RYR1: variants seen among roughly 807,000 people sequenced by gnomAD.
RYR1 encodes the protein central core disease of muscle.
In RYR1, 342 loss-of-function variants were observed where a neutral mutation model predicts 583.5. The observed-to-expected ratio is 0.59, with a 90% CI of 0.54 to 0.64. The LOEUF is 0.64. Among genes scored for constraint, RYR1 ranks in the 30% least tolerant of loss-of-function variants. The pLI is 0.00. For missense variants in RYR1, 6,032 were observed against 6,917.2 expected (o/e 0.87, Z 4.54); for synonymous variants, 2,791 against 2,822.5 (o/e 0.99, Z 0.35).
At chr19:38,551,266 C>T (rs1005641492) in intron 89 of RYR1, among the ~76,000 whole-genome samples, 7 of 151,502 alleles carry the variant, frequency 4.6e-5, no homozygotes, top group Middle Eastern at 3.4e-3. Flanking sequence ...AGGCTGGTCT[C>T]GAACTCCCGA....
rs1283302989 is a variant in RYR1 at position 38,490,733 on chromosome 19, G to T, written c.6127+1G>T. ...CATCAAGACCTGCTGGCACACTGTG[G>T]TAAGGAGTGGGGATCAGAGAGTCCT... On this transcript the variant is annotated splice_donor_variant, in intron 37 of 105. Coordinates refer to ENST00000359596, the MANE Select transcript of RYR1 (RefSeq NM_000540.3). LOFTEE classifies it high-confidence loss of function. 1.3e-6 allele frequency: 2 copies of T among 1,596,966 alleles called. No homozygotes were observed. Among genetic ancestry groups the T allele is most frequent in the African/African-American group, 1.3e-5 (1 of 74,594 alleles).
At chr19:38,557,019 T>C (rs1004588350) in intron 89 of RYR1, among the ~76,000 whole-genome samples, 4 of 151,834 alleles carry the variant, frequency 2.6e-5, no homozygotes, top group African/African-American at 7.3e-5. Flanking sequence ...TATTCATTCA[T>C]TAGAGATTGC....
intron 20 of RYR1, 125 bp from the exon 21 acceptor site, chr19:38,463,298 C>T: frequency 2.6e-6 from 2 of 759,510 alleles, no homozygotes; most frequent in South Asian, 1.5e-5. Flanking sequence ...AGCAGGGCTG[C>T]TGGATGGTGG....
At chr19:38,486,287 AT>A in intron 34 of RYR1, 85 bp downstream of exon 34, 2 of 1,520,920 alleles carry the variant, frequency 1.3e-6, no homozygotes, top group Non-Finnish European at 9.1e-7. Flanking sequence ...ATCCTCCTCT[AT>A]TTATGCATCC....
chr19:38,464,784 G>A (rs1303463001), intron 23 of RYR1, 62 bp downstream of exon 23: 3 of 1,458,218 alleles, frequency 2.1e-6, no homozygotes, highest in African/African-American at 2.8e-5. Flanking sequence ...GCTGTGCTAA[G>A]GGCTGGGGAG....
At chr19:38,440,619 G>A (rs1600629865) in intron 1 of RYR1, 126 bp from the exon 2 acceptor site, 20 of 1,046,176 alleles carry the variant, frequency 1.9e-5, no homozygotes, top group Non-Finnish European at 2.5e-5. Flanking sequence ...GAGGGCTTGG[G>A]TGGGTTGATC....
chr19:38,532,380 C>T, intron 76 of RYR1, 110 bp from the exon 77 acceptor site: 1 of 1,076,400 alleles, frequency 9.3e-7, no homozygotes, highest in Non-Finnish European at 1.4e-6. Context: ...GCCTCAGCCT[C>T]CCAGAGTGTT....
chr19:38,476,033 T>C (rs865939524), intron 29 of RYR1, among the ~76,000 whole-genome samples: 2 of 152,098 alleles, frequency 1.3e-5, no homozygotes, highest in South Asian at 2.1e-4. Flanking sequence ...TTTTTTCTTT[T>C]TATTTTTGAG....
chr19:38,470,421 G>GC (rs1968361893), intron 27 of RYR1, among the ~76,000 whole-genome samples: 2 of 146,602 alleles, frequency 1.4e-5, no homozygotes, highest in African/African-American at 2.5e-5. Context: ...GAGTGACAGA[G>GC]AGGACCCTGT....
At position 38,567,103 on chromosome 19, in the gene RYR1, C is replaced by T. The variant is rs1973478095; in HGVS notation, c.13514+116C>T. ...TGGCCACCCTGTGTCCTCGGCATCA[C>T]CCAGCCCAGACTCAGGCACGGAGGA... is the stretch of plus-strand genomic sequence containing the variant. On this transcript the variant is annotated intron_variant, in intron 92 of 105. Transcript: ENST00000359596. 2.0e-6 allele frequency: 3 copies of T among 1,511,008 alleles called. No homozygotes were observed. The Admixed American group carries it at 5.9e-5, about 30-fold the overall frequency. 93.6% of individuals were successfully genotyped at this position (1,511,008 alleles called of 1,614,324 possible).
At position 38,567,759 on chromosome 19, in the gene RYR1, G is replaced by T; in HGVS notation, c.13515-14G>T. 1 of 1,614,162 alleles carries T rather than the reference G, an allele frequency of 6.2e-7. No homozygotes were observed. Among genetic ancestry groups the T allele is most frequent in the Non-Finnish European group, 8.5e-7 (1 of 1,180,036 alleles). On this transcript the variant is annotated splice_polypyrimidine_tract_variant and intron_variant, in intron 92 of 105. Transcript: ENST00000359596. Reference sequence around the variant, plus strand: ...CCCAGGCACCTCCTGACCTCTCTCTGTCCTGCCCTGCAGTGCCGAGAATGG... The same window carrying T: ...CCCAGGCACCTCCTGACCTCTCTCTTTCCTGCCCTGCAGTGCCGAGAATGG...
At position 38,541,814 on chromosome 19, in the gene RYR1, G is replaced by A. The variant is rs539908846; in HGVS notation, c.11690-1533G>A. 5.3e-5 allele frequency among the ~76,000 whole-genome samples: 8 copies of A among 152,084 alleles called. 1 individual carries two copies. Among genetic ancestry groups the A allele is most frequent in the African/African-American group, 1.7e-4 (7 of 41,502 alleles). On this transcript the variant is annotated intron_variant, in intron 84 of 105. Coordinates refer to ENST00000359596, the MANE Select transcript of RYR1 (RefSeq NM_000540.3). ...TCACAAGGGCAGGGGCTGGACATAC[G>A]GCTCATGTCTGTAATCCCAGCACTA... is the stretch of plus-strand genomic sequence containing the variant.
chr19:38,460,680 TC>T, intron 20 of RYR1, 89 bp downstream of exon 20: 1 of 1,275,504 alleles, frequency 7.8e-7, no homozygotes, highest in Non-Finnish European at 1.1e-6. Flanking sequence ...ATGCCTGTAA[TC>T]CCAGCACTTT....
chr19:38,452,879 G>A lies in RYR1; in HGVS notation c.1305G>A (p.Leu435=). ...CGGGGCCACCCGCTGGCACGGCGCT[G>A]CCCATCGAGGGCGTTATCCTGAGCC... ...RGSGPPAGTA[L]PIEGVILSLQ... Residue 435 remains leucine, a synonymous_variant, in exon 13 of 106, where the codon CTG becomes CTA. Coordinates refer to ENST00000359596, the MANE Select transcript of RYR1 (RefSeq NM_000540.3). 1 of 1,611,642 alleles carries A rather than the reference G, an allele frequency of 6.2e-7. No homozygotes were observed. Among genetic ancestry groups the A allele is most frequent in the Non-Finnish European group, 8.5e-7 (1 of 1,178,930 alleles).
chr19:38,543,313 G>C lies in RYR1; in HGVS notation c.11690-34G>C. On this transcript the variant is annotated intron_variant, in intron 84 of 105. Transcript: ENST00000359596. This position sits in a 1 kb window ranked among gnomAD's most constrained non-coding sequence, Gnocchi z 4.4. ...ACTGTTCATCTCCCCTAGCACATGG[G>C]AGGTGCTGGATAAATGACTTTTCAT... 1 of 1,562,628 alleles carries C rather than the reference G, an allele frequency of 6.4e-7. No individual in the cohort carries two copies. The highest frequency in any genetic ancestry group is 8.8e-7 in the Non-Finnish European group (1 of 1,133,158).
rs145995242 is a variant in RYR1, at chr19:38,492,347, C to T, written c.6128-143C>T. The stretch of plus-strand genomic sequence containing the variant: ...GCTACTGCTCTCCACTGCAACAGAA[C>T]AAGACACTGTCTCAAAAAAAAAAAA... On this transcript the variant is annotated intron_variant, in intron 37 of 105. Coordinates refer to ENST00000359596, the MANE Select transcript of RYR1 (RefSeq NM_000540.3). 1.1e-3 allele frequency: 918 copies of T among 862,308 alleles called. 10 individuals are homozygous for T. In the African/African-American group the frequency reaches 0.018, roughly 16 times the overall value. 53.4% of individuals were successfully genotyped at this position (862,308 alleles called of 1,614,324 possible).
intron 34 of RYR1, among the ~76,000 whole-genome samples, chr19:38,486,635 C>T (rs1969313745): frequency 6.6e-6 from 1 of 152,168 alleles, no homozygotes; most frequent in African/African-American, 2.4e-5. Context: ...GCCACCGCGT[C>T]CGGCCTCCAT....
In RYR1 at chr19:38,455,537, G is replaced by T. The variant is rs1225397962; in HGVS notation, c.1663G>T (p.Ala555Ser). ...WLVSKLDRLE[A>S]SSGILEVLYC... ...GGTCAGCAAGCTGGATCGGCTGGAG[G>T]CCTCGTCTGGTAGGAGAACCCGGGG... is the stretch of plus-strand genomic sequence containing the variant. The change falls in exon 15 of 106, where the codon GCC becomes TCC. Residue 555 changes from alanine (A) to serine (S), a missense_variant. Physicochemically the swap from Ala to Ser is moderately conservative, Grantham distance 99 (BLOSUM62 1). Around this residue, in one of 11 missense-constraint regions of RYR1, gnomAD observed 2,627 missense variants for 2,961.3 expected, o/e 0.89. Transcript: ENST00000359596. The T allele has an allele frequency of 1.2e-6, 2 of 1,614,058 alleles. No individual in the cohort carries two copies. Among genetic ancestry groups the T allele is most frequent in the Non-Finnish European group, 1.7e-6 (2 of 1,179,986 alleles).
Position 38,460,431 on chromosome 19 carries a change from G to A in RYR1, c.2417G>A (p.Gly806Asp), listed in dbSNP as rs1486278704. The change falls in exon 20 of 106, where the codon GGC becomes GAC. Residue 806 changes from glycine (G) to aspartate (D), a missense_variant. By Grantham distance (94) the Gly-to-Asp change is moderately conservative (BLOSUM62 -1). Around this residue, in one of 11 missense-constraint regions of RYR1, gnomAD observed 2,627 missense variants for 2,961.3 expected, o/e 0.89. Transcript: ENST00000359596. ...GAATTCAAGTTCCTGCCCCCACCTG[G>A]CTATGCTCCATGCCATGAGGCTGTG... ...HGEFKFLPPPGYAPCHEAVLP... is the reference protein window; with the variant it reads ...HGEFKFLPPPDYAPCHEAVLP... 1 of 1,614,032 alleles carries A rather than the reference G, an allele frequency of 6.2e-7. No homozygotes were observed. The highest frequency in any genetic ancestry group is 8.5e-7 in the Non-Finnish European group (1 of 1,180,046).
Sources: allele counts gnomAD v4.1 joint callset (sites outside exome capture counted in the v4.1 genomes callset), GRCh38; gene constraint gnomAD v4.1.1; regional missense constraint gnomAD v4.1.1; non-coding constraint Gnocchi (gnomAD v3.1); transcripts MANE v1.5; gene names NCBI Gene and HGNC (gene_info 2026-07-23, HGNC 2026-07-21).